The following EPB41L1 variants were observed in gnomAD, a reference collection of about 807,000 sequenced individuals.
The protein encoded by EPB41L1 is erythrocyte membrane protein band 4.1 like 1.
A neutral mutation model predicts 97.8 loss-of-function variants in EPB41L1; 29 were observed. The ratio of observed to expected loss-of-function variants is 0.30; its 90% CI spans 0.22 to 0.40. EPB41L1 has a LOEUF of 0.40. Ranked by LOEUF, EPB41L1 falls within the 10% of genes least tolerant of loss-of-function variation. The pLI, the probability that EPB41L1 is intolerant of heterozygous loss-of-function variation, is 1.00. For synonymous variants in EPB41L1, 383 were observed against 459.2 expected (o/e 0.83, Z 2.12); for missense variants, 812 against 1,162.3 (o/e 0.70, Z 4.38).
intron 1 of EPB41L1, among the ~76,000 whole-genome samples, chr20:36,168,614 T>C (rs1429978301): frequency 6.6e-6 from 1 of 151,424 alleles, no homozygotes; most frequent in Non-Finnish European, 1.5e-5. Context: ...CACTGCAACC[T>C]CCGACTCCCA....
At chr20:36,149,966 T>G (rs956558501), upstream of EPB41L1, 1 of 152,232 alleles carries the variant, frequency 6.6e-6, no homozygotes, top group Non-Finnish European at 1.5e-5. Flanking sequence ...ACACGCAATT[T>G]TAAATTTTCT....
Position 36,212,855 on chromosome 20 carries a change from T to C in EPB41L1, c.2184+479T>C, listed in dbSNP as rs1489876542. Among the ~76,000 whole-genome samples, 1 of 152,118 alleles carries C rather than the reference T, an allele frequency of 6.6e-6. No individual in the cohort carries two copies. Among genetic ancestry groups the C allele is most frequent in the Non-Finnish European group, 1.5e-5 (1 of 68,024 alleles). ...AGAGTTCCACATCAGATCAGTAAAA[T>C]GAACAAAGTGAAAGAAGAAAACCGA... On this transcript the variant is annotated intron_variant, in intron 16 of 21. Coordinates refer to ENST00000338074, the MANE Select transcript of EPB41L1 (RefSeq NM_012156.2). The surrounding 1 kb of genome is among the most constrained non-coding windows in gnomAD (Gnocchi z 4.8).
chr20:36,133,054 A>G (rs142683709), intron 2 of EPB41L1, among the ~76,000 whole-genome samples: 41 of 152,364 alleles, frequency 2.7e-4, no homozygotes, highest in African/African-American at 9.9e-4. Context: ...TAATTACACA[A>G]GTGACTAATT....
At chr20:36,173,727 C>G in intron 1 of EPB41L1, 37 bp from the exon 2 acceptor site, 2 of 1,596,322 alleles carry the variant, frequency 1.3e-6, no homozygotes, top group Non-Finnish European at 1.7e-6. Context: ...CCATTGCTGT[C>G]CCTCCCTGTC....
At chr20:36,128,142 C>A (rs543496046) in intron 2 of EPB41L1, among the ~76,000 whole-genome samples, 1 of 152,168 alleles carries the variant, frequency 6.6e-6, no homozygotes, top group Non-Finnish European at 1.5e-5. Context: ...TACCTGCTGG[C>A]TATGTGACCT....
At position 36,206,599 on chromosome 20, in the gene EPB41L1, AG is replaced by A; in HGVS notation, c.1669-2886del. ...GCCGACGCTGAATTCCTTAGACCTG[AG>A]GGTTTCTGCTGCTGCTTCCAGCAGG... On this transcript the variant is annotated intron_variant, in intron 14 of 21. Transcript: ENST00000338074. The surrounding 1 kb of genome is among the most constrained non-coding windows in gnomAD (Gnocchi z 5.5). 7.0e-6 allele frequency: 9 copies of A among 1,289,734 alleles called. No individual in the cohort carries two copies. Among genetic ancestry groups the A allele is most frequent in the Non-Finnish European group, 9.1e-6 (9 of 988,860 alleles). 79.9% of individuals were successfully genotyped at this position (1,289,734 alleles called of 1,614,324 possible). A position where few individuals can be genotyped will look rare whatever the true frequency, so the allele number is the denominator to read the frequency against.
At chr20:36,172,570 A>G (rs1294781475) in intron 1 of EPB41L1, among the ~76,000 whole-genome samples, 1 of 152,134 alleles carries the variant, frequency 6.6e-6, no homozygotes, top group African/African-American at 2.4e-5. Context: ...AAACACAAAC[A>G]TATGTTGTTG....
At chr20:36,154,615 G>A, upstream of EPB41L1, 20 of 911,538 alleles carry the variant, frequency 2.2e-5, no homozygotes, top group Non-Finnish European at 2.6e-5. This position sits in a 1 kb window ranked among gnomAD's most constrained non-coding sequence, Gnocchi z 5.5. Flanking sequence ...GCCGCCCCTG[G>A]GCTGGGCTCC....
intron 14 of EPB41L1, among the ~76,000 whole-genome samples, chr20:36,204,471 C>CTTTTTTTTTTTTTTTTTTTTTTTT (rs765673962): frequency 5.5e-5 from 5 of 90,606 alleles, no homozygotes; most frequent in African/African-American, 2.9e-4. Flanking sequence ...CGATCTGGTG[C>CTTTTTTTTTTTTTTTTTTTTTTTT]TTTTTTTTTT....
At chr20:36,115,138 G>T (rs2247732) in intron 2 of EPB41L1, among the ~76,000 whole-genome samples, 7,818 of 152,216 alleles carry the variant, frequency 0.051, 658 homozygotes, top group African/African-American at 0.18. Flanking sequence ...ACAGTCTTTG[G>T]GTAGGTCCTA....
At position 36,173,903 on chromosome 20, in the gene EPB41L1, C is replaced by T; in HGVS notation, c.126C>T (p.Ala42=). ...VTPAGHGHPE[A]NSNEKHPSQQ... is the part of the protein sequence containing the mutation. ...CTGCAGGCCACGGCCACCCAGAGGC[C>T]AACTCCAATGAGAAGCATCCATCCC... Residue 42 remains alanine, a synonymous_variant, in exon 2 of 22, where the codon GCC becomes GCT. Coordinates refer to ENST00000338074, the MANE Select transcript of EPB41L1 (RefSeq NM_012156.2). The T allele has an allele frequency of 6.2e-7, 1 of 1,613,992 alleles. No individual in the cohort carries two copies.
rs2061900882 is a variant in EPB41L1, at chr20:36,190,532, G to A, written c.1125-90G>A. On this transcript the variant is annotated intron_variant, in intron 10 of 21. Coordinates refer to ENST00000338074, the MANE Select transcript of EPB41L1 (RefSeq NM_012156.2). The surrounding 1 kb of genome is among the most constrained non-coding windows in gnomAD (Gnocchi z 5.8). ...ACTTTGAATTGTTGTAGTTGGTGGA[G>A]TAGTGGGATGAAAGGCCAGCTGTGG... is the stretch of plus-strand genomic sequence containing the variant. The A allele has an allele frequency of 6.4e-7, 1 of 1,571,800 alleles. No homozygotes were observed. Among genetic ancestry groups the A allele is most frequent in the Non-Finnish European group, 8.7e-7 (1 of 1,146,872 alleles).
rs190707129 is a variant in EPB41L1 at position 36,132,103 on chromosome 20, T to A, written c.-10+19623T>A. Among the ~76,000 whole-genome samples the A allele has an allele frequency of 8.9e-4, 136 of 152,184 alleles. 1 individual carries two copies. The highest frequency in any genetic ancestry group is 3.1e-3 in the African/African-American group (129 of 41,528). On this transcript the variant is annotated intron_variant, in intron 2 of 19. Coordinates refer to the EPB41L1 transcript ENST00000202028. ...GTTTCAGTCTGGAGGGAAAGGTGAG[T>A]TCTGAGGACCCCTCCCTAGGTGACT...
At chr20:36,169,311 C>T (rs372971537) in intron 1 of EPB41L1, among the ~76,000 whole-genome samples, 11 of 152,220 alleles carry the variant, frequency 7.2e-5, no homozygotes, top group African/African-American at 2.6e-4. Context: ...TGGCACTAGG[C>T]TTTGGATCTG....
intron 2 of EPB41L1, among the ~76,000 whole-genome samples, chr20:36,129,234 G>A (rs2059094250): frequency 6.6e-6 from 1 of 152,158 alleles, no homozygotes; most frequent in Non-Finnish European, 1.5e-5. Flanking sequence ...TATGGACCAA[G>A]AGTCCTATTC....
chr20:36,212,199 C>T lies in EPB41L1; in HGVS notation c.2080-73C>T. ...GATAGGAGATAGCCTGCAGACACCA[C>T]ACTGCAATTGTCTGTGAGCAAGGGT... On this transcript the variant is annotated intron_variant, in intron 15 of 21. Transcript: ENST00000338074. The surrounding 1 kb of genome is among the most constrained non-coding windows in gnomAD (Gnocchi z 4.8). 7.1e-7 allele frequency: 1 copy of T among 1,407,570 alleles called. No individual in the cohort carries two copies. The highest frequency in any genetic ancestry group is 1.0e-6 in the Non-Finnish European group (1 of 993,040). 87.2% of individuals were successfully genotyped at this position (1,407,570 alleles called of 1,614,324 possible). A position where few individuals can be genotyped will look rare whatever the true frequency, so the allele number is the denominator to read the frequency against.
Position 36,190,484 on chromosome 20 carries a change from C to T in EPB41L1, c.1124+110C>T. ...TCTAGGAAAGTCCTCCACCCTTTCC[C>T]CAAGTCCCTCCCTTCCTGGACCACT... On this transcript the variant is annotated intron_variant, in intron 10 of 21. Transcript: ENST00000338074. The surrounding 1 kb of genome is among the most constrained non-coding windows in gnomAD (Gnocchi z 5.8). 1 of 1,520,414 alleles carries T rather than the reference C, an allele frequency of 6.6e-7. No individual in the cohort carries two copies. Among genetic ancestry groups the T allele is most frequent in the Non-Finnish European group, 9.0e-7 (1 of 1,108,200 alleles). The allele number at this position is 1,520,414 out of a possible 1,614,324, so 94.2% of individuals were successfully genotyped here.
At chr20:36,109,199 G>A (rs1005043646) in intron 1 of EPB41L1, among the ~76,000 whole-genome samples, 5 of 151,850 alleles carry the variant, frequency 3.3e-5, no homozygotes, top group Admixed American at 6.6e-5. Flanking sequence ...CGCCTGCCTC[G>A]GCCTCCCAAA....
intron 1 of EPB41L1, among the ~76,000 whole-genome samples, chr20:36,164,648 C>T (rs1311462396): frequency 6.6e-6 from 1 of 152,210 alleles, no homozygotes; most frequent in Admixed American, 6.5e-5. Flanking sequence ...ATAGTCTCCT[C>T]TGTATCCAGC....
Sources: allele counts gnomAD v4.1 joint callset (sites outside exome capture counted in the v4.1 genomes callset), GRCh38; gene constraint gnomAD v4.1.1; non-coding constraint Gnocchi (gnomAD v3.1); transcripts MANE v1.5; gene names NCBI Gene and HGNC (gene_info 2026-07-23, HGNC 2026-07-21).